Variants in MGAM2 observed in about 807,000 individuals in gnomAD.
MGAM2 encodes the protein probable maltase-glucoamylase 2.
Under a neutral mutation model 96.1 loss-of-function variants are expected in MGAM2, and 98 were observed. The ratio of observed to expected loss-of-function variants is 1.02; its 90% CI spans 0.87 to 1.21. The LOEUF (loss-of-function observed/expected upper bound fraction) is 1.21. Ranked by LOEUF, MGAM2 falls within the 50% of genes most tolerant of loss-of-function variation. The probability of loss-of-function intolerance (pLI) is 0.00; values close to 1 mark genes in which losing one functional copy is unlikely to be tolerated. For synonymous variants in MGAM2, 749 were observed against 414.8 expected, an observed-to-expected ratio of 1.81 and a Z score of -9.79; for missense variants, 2,055 against 1,182.4, an observed-to-expected ratio of 1.74 and a Z score of -10.82.
At chr7:142,156,191 T>G (rs959143987) in intron 17 of MGAM2, among the ~76,000 whole-genome samples, 1 of 152,030 alleles carries the variant, frequency 6.6e-6, no homozygotes, top group African/African-American at 2.4e-5. Flanking sequence ...ACAGGGACAT[T>G]GTTTTAAAAA....
intron 15 of MGAM2, among the ~76,000 whole-genome samples, chr7:142,153,537 G>C (rs1450037557): frequency 6.6e-6 from 1 of 152,192 alleles, no homozygotes; most frequent in Non-Finnish European, 1.5e-5. Context: ...TGAAGTTTCA[G>C]AGGTGTACCA....
chr7:142,214,756 A>G (rs1797700113), intron 46 of MGAM2, among the ~76,000 whole-genome samples: 1 of 152,226 alleles, frequency 6.6e-6, no homozygotes, highest in Non-Finnish European at 1.5e-5. Flanking sequence ...ATGAGATATC[A>G]TCTCATGCCA....
At chr7:142,134,852 TAAAA>T (rs890361383) in intron 7 of MGAM2, among the ~76,000 whole-genome samples, 6 of 150,310 alleles carry the variant, frequency 4.0e-5, no homozygotes, top group African/African-American at 1.2e-4. Context: ...AAAAATGAAA[TAAAA>T]AAACTCAAAG....
intron 3 of MGAM2, among the ~76,000 whole-genome samples, chr7:142,123,171 C>CTT (rs202230778): frequency 0.11 from 15,380 of 144,924 alleles, 1,013 homozygotes; most frequent in Admixed American, 0.23. Flanking sequence ...TAGTTATATT[C>CTT]TTTTTTTTTT....
At chr7:142,201,619 G>A (rs940243901) in intron 45 of MGAM2, among the ~76,000 whole-genome samples, 14 of 152,096 alleles carry the variant, frequency 9.2e-5, no homozygotes, top group Non-Finnish European at 1.5e-4. Flanking sequence ...GTCAGCCTGC[G>A]GATTCATCCA....
intron 27 of MGAM2, among the ~76,000 whole-genome samples, chr7:142,170,835 G>A (rs144674646): frequency 3.9e-5 from 6 of 152,176 alleles, no homozygotes; most frequent in Non-Finnish European, 1.5e-5. Flanking sequence ...CTCTTGGGCT[G>A]TGTGAGTGAT....
In MGAM2 at chr7:142,116,948, C is replaced by G; in HGVS notation, c.75C>G (p.Leu25=). The change falls in exon 2 of 48, where the codon CTC becomes CTG. Residue 25 remains leucine, a synonymous_variant. Transcript: ENST00000477922. ...FCLIVVTIDI[L]LLLLVLEETS... ...TAATTGTGGTGACCATAGATATCCTCTTGCTGCTTCTTGTGTTGGAGGAAA... is the reference window on the plus strand; with the variant it reads ...TAATTGTGGTGACCATAGATATCCTGTTGCTGCTTCTTGTGTTGGAGGAAA... 1 of 703,234 alleles carries G rather than the reference C, an allele frequency of 1.4e-6. No individual in the cohort carries two copies. Among genetic ancestry groups the G allele is most frequent in the South Asian group, 1.5e-5 (1 of 67,594 alleles). The allele number at this position is 703,234 out of a possible 1,614,324, so 43.6% of individuals were successfully genotyped here.
intron 4 of MGAM2, 92 bp from the exon 5 acceptor site, chr7:142,131,426 G>T: frequency 1.5e-6 from 1 of 654,794 alleles, no homozygotes. Flanking sequence ...CACAGGGCAA[G>T]ACTCCATCTC....
rs1563242776 is a variant in MGAM2, at chr7:142,114,214, G to GGA, written c.-1+2407_-1+2408insGA. Among the ~76,000 whole-genome samples the GGA allele has an allele frequency of 4.6e-5, 6 of 129,270 alleles. 2 individuals are homozygous for GGA. Among genetic ancestry groups the GGA allele is most frequent in the Non-Finnish European group, 3.2e-5 (2 of 62,088 alleles). 84.8% of individuals were successfully genotyped at this position (129,270 alleles called of 152,430 possible). A position where few individuals can be genotyped will look rare whatever the true frequency, so the allele number is the denominator to read the frequency against. ...AGAAAGAAAGAAAGAAAGAAAGAAA[G>GGA]AGAGAAAGAAAGAAAGAAATAGGAG... On this transcript the variant is annotated intron_variant, in intron 1 of 47. Coordinates refer to ENST00000477922, the MANE Select transcript of MGAM2 (RefSeq NM_001293626.2).
intron 1 of MGAM2, among the ~76,000 whole-genome samples, chr7:142,114,400 A>G (rs1817316806): frequency 6.6e-6 from 1 of 151,680 alleles, no homozygotes; most frequent in Non-Finnish European, 1.5e-5. Flanking sequence ...CCTCGGTGGG[A>G]GCATTTCCAG....
chr7:142,149,615 A>G (rs1313154352), intron 15 of MGAM2, among the ~76,000 whole-genome samples: 1 of 151,672 alleles, frequency 6.6e-6, no homozygotes, highest in East Asian at 2.0e-4. Context: ...ATCTCGGCTC[A>G]CTGCAAGCTC....
intron 46 of MGAM2, among the ~76,000 whole-genome samples, chr7:142,214,538 C>T (rs950053519): frequency 9.2e-5 from 14 of 152,172 alleles, no homozygotes; most frequent in African/African-American, 3.4e-4. Context: ...CATGAGCAAA[C>T]TCCCACTCAC....
At chr7:142,193,970 A>G (rs1187716808) in intron 37 of MGAM2, among the ~76,000 whole-genome samples, 2 of 151,512 alleles carry the variant, frequency 1.3e-5, no homozygotes, top group South Asian at 2.1e-4. Context: ...CAAATCTAAT[A>G]CTTAAAATGT....
At chr7:142,122,249 A>G (rs1468454248) in intron 3 of MGAM2, among the ~76,000 whole-genome samples, 1 of 152,210 alleles carries the variant, frequency 6.6e-6, no homozygotes, top group Non-Finnish European at 1.5e-5. Context: ...AGTAAGTTCT[A>G]GAAACCAGTT....
Position 142,167,144 on chromosome 7 carries a change from C to CA in MGAM2, c.2809-123dup, listed in dbSNP as rs1297044755. ...AGGACTTAACATCTTTTTTAGGGGA[C>CA]ACAATTCAACCCATAACCATGGACA... is the stretch of plus-strand genomic sequence containing the variant. On this transcript the variant is annotated intron_variant, in intron 25 of 47. Transcript: ENST00000477922. 5 of 575,328 alleles carry CA rather than the reference C, an allele frequency of 8.7e-6. No homozygotes were observed. In the African/African-American group the frequency reaches 9.3e-5, roughly 11 times the overall value. 35.6% of individuals were successfully genotyped at this position (575,328 alleles called of 1,614,324 possible).
intron 1 of MGAM2, among the ~76,000 whole-genome samples, chr7:142,115,786 G>A (rs918298930): frequency 1.4e-4 from 21 of 152,228 alleles, no homozygotes; most frequent in African/African-American, 3.9e-4. Context: ...CAGATGTTTC[G>A]GTGAGGCGAG....
rs1795127728 is a variant in MGAM2, at chr7:142,138,579, T to C, written c.998T>C (p.Leu333Pro). ...CCATTCTTCCCTCCCTATTGGAGTCTTGGGTTCCAGCTTAGTCGCAGGGAC... is the reference window on the plus strand; with the variant it reads ...CCATTCTTCCCTCCCTATTGGAGTCCTGGGTTCCAGCTTAGTCGCAGGGAC... ...GRPFFPPYWS[L>P]GFQLSRRDYG... The change falls in exon 10 of 48, where the codon CTT becomes CCT. Residue 333 changes from leucine to proline, a missense_variant. Physicochemically the swap from Leu to Pro is moderately conservative, Grantham distance 98. Transcript: ENST00000477922. The C allele has an allele frequency of 1.4e-6, 1 of 703,262 alleles. No individual in the cohort carries two copies. Among genetic ancestry groups the C allele is most frequent in the Non-Finnish European group, 2.6e-6 (1 of 385,016 alleles). The allele number at this position is 703,262 out of a possible 1,614,324, so 43.6% of individuals were successfully genotyped here.
chr7:142,196,720 G>T lies in MGAM2; in HGVS notation c.4536G>T (p.Gly1512=), dbSNP rs539710765. ...GIPYTGADIC[G]FFGDAEYEMC... ...CTCAGACAGGAGCAGATATCTGTGG[G>T]TTCTTTGGAGATGCTGAATATGAGA... The change falls in exon 40 of 48, where the codon GGG becomes GGT. Residue 1512 remains glycine (G), a synonymous_variant. Transcript: ENST00000477922. 231 of 789,588 alleles carry T rather than the reference G, an allele frequency of 2.9e-4. No homozygotes were observed. Among genetic ancestry groups the T allele is most frequent in the Non-Finnish European group, 5.1e-4 (219 of 426,296 alleles). The allele number at this position is 789,588 out of a possible 1,614,324, so 48.9% of individuals were successfully genotyped here. A position where few individuals can be genotyped will look rare whatever the true frequency, so the allele number is the denominator to read the frequency against.
rs569362225 is a variant in MGAM2 at position 142,219,948 on chromosome 7, G to A, written c.5437G>A (p.Val1813Ile). The A allele has an allele frequency of 4.3e-6, 3 of 702,792 alleles. No homozygotes were observed. In the South Asian group the frequency reaches 4.4e-5, roughly 10 times the overall value. 43.5% of individuals were successfully genotyped at this position (702,792 alleles called of 1,614,324 possible). The part of the protein sequence containing the change: ...TEVTWIDGGP[V>I]LPTPTKTSTI... ...GGTTACTTGGATTGATGGTGGTCCTGTACTTCCTACTCCAACTAAGACAAG... is the reference window on the plus strand; with the variant it reads ...GGTTACTTGGATTGATGGTGGTCCTATACTTCCTACTCCAACTAAGACAAG... Residue 1813 changes from valine to isoleucine, a missense_variant, in exon 48 of 48, where the codon GTA becomes ATA. By Grantham distance (29) the Val-to-Ile change is conservative (BLOSUM62 3). Transcript: ENST00000477922.
Sources: allele counts gnomAD v4.1 joint callset (sites outside exome capture counted in the v4.1 genomes callset), GRCh38; gene constraint gnomAD v4.1.1; transcripts MANE v1.5; gene names NCBI Gene and HGNC (gene_info 2026-07-23, HGNC 2026-07-21).